Variants in SGCZ observed in about 807,000 individuals in gnomAD.
SGCZ encodes zeta-sarcoglycan.
SGCZ carries 40 observed loss-of-function variants against 41.3 expected under a neutral mutation model. That is an observed-to-expected ratio of 0.97 (90% confidence interval 0.75 to 1.26). SGCZ has a LOEUF of 1.26. Ranked by LOEUF, SGCZ falls within the 50% of genes most tolerant of loss-of-function variation. SGCZ has a pLI of 0.00. For synonymous variants in SGCZ, 206 were observed against 137.5 expected, an observed-to-expected ratio of 1.50 and a Z score of -3.49; for missense variants, 552 against 369.8, an observed-to-expected ratio of 1.49 and a Z score of -4.04.
rs1801645859 is a variant in SGCZ at position 14,090,259 on chromosome 8, C to CTG, written c.*183_*184insCA. 1 of 489,270 alleles carries CTG rather than the reference C, an allele frequency of 2.0e-6. No homozygotes were observed. The highest frequency in any genetic ancestry group is 3.4e-6 in the Non-Finnish European group (1 of 290,950). The allele number at this position is 489,270 out of a possible 1,614,324, so 30.3% of individuals were successfully genotyped here. The stretch of plus-strand genomic sequence containing the variant: ...TTTTCCACTGCTGTGTCAATCACAC[C>CTG]CTCTGTGTTGAGCAGTACAGTAAAT... On this transcript the variant is annotated 3_prime_UTR_variant, in exon 8 of 8. Coordinates refer to ENST00000382080, the MANE Select transcript of SGCZ (RefSeq NM_139167.4).
intron 1 of SGCZ, among the ~76,000 whole-genome samples, chr8:14,714,147 T>G (rs1477196897): frequency 6.6e-6 from 1 of 152,010 alleles, no homozygotes; most frequent in Non-Finnish European, 1.5e-5. Flanking sequence ...TTTTGTATCT[T>G]TAGTAGAGAT....
chr8:14,427,731 A>C (rs892703789), intron 2 of SGCZ, among the ~76,000 whole-genome samples: 1 of 152,156 alleles, frequency 6.6e-6, no homozygotes, highest in African/African-American at 2.4e-5. Context: ...ACAAGGACCA[A>C]ACAAAAAGGC....
chr8:15,073,684 A>G (rs572253912), intron 1 of SGCZ, among the ~76,000 whole-genome samples: 9 of 152,342 alleles, frequency 5.9e-5, no homozygotes, highest in African/African-American at 1.7e-4. Context: ...AGACTGCAAC[A>G]TAGAAACTCT....
intron 2 of SGCZ, among the ~76,000 whole-genome samples, chr8:14,399,531 A>T (rs1394323376): frequency 2.0e-5 from 3 of 152,232 alleles, no homozygotes; most frequent in East Asian, 3.9e-4. Flanking sequence ...AAGAAAAAAA[A>T]GTCCCAGTCT....
intron 1 of SGCZ, among the ~76,000 whole-genome samples, chr8:14,709,230 C>A (rs1809436732): frequency 6.6e-6 from 1 of 152,172 alleles, no homozygotes. Context: ...AACTTGAACT[C>A]ATCTAGCTTG....
At chr8:14,331,025 A>G (rs2117050903) in intron 2 of SGCZ, among the ~76,000 whole-genome samples, 1 of 152,042 alleles carries the variant, frequency 6.6e-6, no homozygotes, top group South Asian at 2.1e-4. Context: ...ATAGGAAGGA[A>G]GGTAGATACA....
chr8:14,980,266 T>C lies in SGCZ; in HGVS notation c.39+257319A>G, dbSNP rs544892097. On this transcript the variant is annotated intron_variant, in intron 1 of 7. Coordinates refer to ENST00000382080, the MANE Select transcript of SGCZ (RefSeq NM_139167.4). ...AGGACGGAAATTGAGCCAGATTTGA[T>C]CACGAAGAACAGAGACGGTCCAGAG... Among the ~76,000 whole-genome samples, 110 of 152,206 alleles carry C rather than the reference T, an allele frequency of 7.2e-4. 1 individual carries two copies. Among genetic ancestry groups the C allele is most frequent in the African/African-American group, 2.4e-3 (101 of 41,542 alleles).
At chr8:15,196,085 G>C (rs973479219) in intron 1 of SGCZ, among the ~76,000 whole-genome samples, 4 of 140,424 alleles carry the variant, frequency 2.8e-5, no homozygotes, top group African/African-American at 1.1e-4. Flanking sequence ...TTTTAGTAGA[G>C]ACGGGGTTTC....
At chr8:14,861,115 G>T (rs186635063) in intron 1 of SGCZ, among the ~76,000 whole-genome samples, 1 of 152,144 alleles carries the variant, frequency 6.6e-6, no homozygotes, top group African/African-American at 2.4e-5. Context: ...AATGTGTTAC[G>T]TCTGTGACTA....
At chr8:14,254,095 T>C (rs7833701) in intron 3 of SGCZ, among the ~76,000 whole-genome samples, 101,272 of 151,978 alleles carry the variant, frequency 0.67, 34,113 homozygotes, top group South Asian at 0.78. Flanking sequence ...TAAAATCCAT[T>C]AACAGAACTG....
At chr8:15,018,617 G>A (rs1473642103) in intron 1 of SGCZ, among the ~76,000 whole-genome samples, 1 of 152,114 alleles carries the variant, frequency 6.6e-6, no homozygotes, top group Non-Finnish European at 1.5e-5. Context: ...GCCAACTAGA[G>A]GGCTGGAATG....
At chr8:14,723,881 T>C (rs1809969716) in intron 1 of SGCZ, among the ~76,000 whole-genome samples, 2 of 152,074 alleles carry the variant, frequency 1.3e-5, no homozygotes, top group African/African-American at 2.4e-5. Flanking sequence ...AATAGAGTGG[T>C]AGTGGTTCCT....
chr8:14,499,734 C>T (rs1802094964), intron 2 of SGCZ, among the ~76,000 whole-genome samples: 2 of 151,912 alleles, frequency 1.3e-5, no homozygotes, highest in Non-Finnish European at 2.9e-5. Flanking sequence ...CTATAATTTT[C>T]AACACCTGTA....
chr8:14,118,498 C>T (rs1193804623), intron 5 of SGCZ, among the ~76,000 whole-genome samples: 2 of 152,058 alleles, frequency 1.3e-5, no homozygotes, highest in Admixed American at 1.3e-4. Context: ...AAACTTTCTC[C>T]CATTCTGTAG....
intron 3 of SGCZ, among the ~76,000 whole-genome samples, chr8:14,242,294 G>A (rs1798918105): frequency 6.6e-6 from 1 of 152,094 alleles, no homozygotes; most frequent in South Asian, 2.1e-4. Flanking sequence ...AACATTTACT[G>A]GCCCTTAATC....
chr8:14,168,806 G>T (rs994493968), intron 4 of SGCZ, among the ~76,000 whole-genome samples: 4 of 152,106 alleles, frequency 2.6e-5, no homozygotes, highest in African/African-American at 9.7e-5. Flanking sequence ...CCTGGAAAAG[G>T]AATTGCCTAC....
chr8:14,564,693 A>G (rs529237808), intron 1 of SGCZ, among the ~76,000 whole-genome samples: 1 of 152,204 alleles, frequency 6.6e-6, no homozygotes, highest in Non-Finnish European at 1.5e-5. Flanking sequence ...TGGTTGAAAT[A>G]GAATTTTTAA....
intron 1 of SGCZ, among the ~76,000 whole-genome samples, chr8:15,216,764 C>T (rs1039012192): frequency 6.6e-6 from 1 of 151,954 alleles, no homozygotes; most frequent in African/African-American, 2.4e-5. Context: ...GCAGCTGCAG[C>T]AGTGATGGAG....
At chr8:14,247,797 C>T (rs748697601) in intron 3 of SGCZ, among the ~76,000 whole-genome samples, 15 of 152,130 alleles carry the variant, frequency 9.9e-5, no homozygotes, top group Non-Finnish European at 1.8e-4. Flanking sequence ...TACTGTCTGT[C>T]CAGTCAGTAT....
Sources: allele counts gnomAD v4.1 joint callset (sites outside exome capture counted in the v4.1 genomes callset), GRCh38; gene constraint gnomAD v4.1.1; transcripts MANE v1.5; gene names NCBI Gene and HGNC (gene_info 2026-07-23, HGNC 2026-07-21).